Variants in ZNF362 observed in about 807,000 individuals in gnomAD.
ZNF362 encodes the protein rotund homolog.
In ZNF362, 11 loss-of-function variants were observed where a neutral mutation model predicts 42.9. The ratio of observed to expected loss-of-function variants is 0.26; its 90% CI spans 0.16 to 0.42. ZNF362 has a LOEUF of 0.42. ZNF362 is among the 20% of genes least tolerant of loss of function. The pLI is 1.00. For missense variants in ZNF362, 362 were observed against 576.2 expected (o/e 0.63, Z 3.81); for synonymous variants, 255 against 257.3 (o/e 0.99, Z 0.09).
chr1:33,233,905 C>G, the ZNF362 span, among the ~76,000 whole-genome samples: 24 of 152,258 alleles, frequency 1.6e-4, no homozygotes, highest in African/African-American at 5.5e-4. Flanking sequence ...CACTTTCACT[C>G]TTAAGATGGG....
the ZNF362 span, among the ~76,000 whole-genome samples, chr1:33,214,605 G>T: frequency 3.3e-5 from 5 of 152,128 alleles, no homozygotes; most frequent in African/African-American, 9.7e-5. Flanking sequence ...ATCTGAAAGG[G>T]ATTAACAACC....
At chr1:33,210,022 G>T in the ZNF362 span, among the ~76,000 whole-genome samples, 26 of 152,186 alleles carry the variant, frequency 1.7e-4, no homozygotes, top group Non-Finnish European at 3.1e-4. Flanking sequence ...TGATGTTAGG[G>T]TGTCAATTTT....
the ZNF362 span, among the ~76,000 whole-genome samples, chr1:33,250,855 A>AGAAG: frequency 1.8e-5 from 2 of 109,634 alleles, no homozygotes; most frequent in African/African-American, 6.8e-5. Flanking sequence ...GAAAGAAGGA[A>AGAAG]GAAGAAGAAG....
the ZNF362 span, among the ~76,000 whole-genome samples, chr1:33,134,265 G>C: frequency 6.6e-6 from 1 of 152,192 alleles, no homozygotes; most frequent in Non-Finnish European, 1.5e-5. Flanking sequence ...ACCCAGCAAG[G>C]GTAGGTATTT....
At chr1:33,222,701 G>C in the ZNF362 span, among the ~76,000 whole-genome samples, 6 of 152,264 alleles carry the variant, frequency 3.9e-5, no homozygotes, top group African/African-American at 1.4e-4. Context: ...TGCTTAATCT[G>C]TCTGGAAGAA....
chr1:33,225,495 G>C, the ZNF362 span, among the ~76,000 whole-genome samples: 1 of 152,050 alleles, frequency 6.6e-6, no homozygotes, highest in African/African-American at 2.4e-5. Context: ...CAGGGTATTT[G>C]GTATGCCATG....
chr1:33,268,017 G>A (rs1212190474), intron 1 of ZNF362, among the ~76,000 whole-genome samples: 1 of 152,168 alleles, frequency 6.6e-6, no homozygotes, highest in Admixed American at 6.5e-5. Flanking sequence ...CCAGTATTGG[G>A]TGTTAGCATT....
the ZNF362 span, among the ~76,000 whole-genome samples, chr1:33,189,672 T>TATAC: frequency 5.8e-4 from 6 of 10,406 alleles, no homozygotes; most frequent in African/African-American, 1.1e-3. Flanking sequence ...TATATATATA[T>TATAC]GTATATATAT....
chr1:33,246,034 G>C, the ZNF362 span, among the ~76,000 whole-genome samples: 1 of 152,180 alleles, frequency 6.6e-6, no homozygotes. Flanking sequence ...GAAGGGACAA[G>C]ACAGGATTAG....
chr1:33,276,577 C>A lies in ZNF362; in HGVS notation c.332C>A (p.Ala111Asp). 7.3e-7 allele frequency: 1 copy of A among 1,372,044 alleles called. No homozygotes were observed. Among genetic ancestry groups the A allele is most frequent in the Admixed American group, 3.7e-5 (1 of 26,696 alleles). 85.0% of individuals were successfully genotyped at this position (1,372,044 alleles called of 1,614,324 possible). A position where few individuals can be genotyped will look rare whatever the true frequency, so the allele number is the denominator to read the frequency against. Residue 111 changes from alanine (A) to aspartate (D), a missense_variant, in exon 4 of 9, where the codon GCC becomes GAC. Ala to Asp is a moderately radical substitution (Grantham distance 126). Around this residue, in one of 3 missense-constraint regions of ZNF362, gnomAD observed 266 missense variants for 365.4 expected, o/e 0.73. Coordinates refer to ENST00000539719, the MANE Select transcript of ZNF362 (RefSeq NM_152493.3). ...QPDVALHARP[A>D]TSTVTGLGLS... ...GACGTGGCGCTGCACGCACGGCCGG[C>A]CACCAGCACCGTCACAGGTAGGCCG...
the ZNF362 span, among the ~76,000 whole-genome samples, chr1:33,171,753 T>A: frequency 6.6e-6 from 1 of 152,120 alleles, no homozygotes; most frequent in South Asian, 2.1e-4. Context: ...TCCACCTTGG[T>A]TTCCAAATCT....
At chr1:33,259,851 A>G (rs951606236) in intron 1 of ZNF362, among the ~76,000 whole-genome samples, 3 of 152,254 alleles carry the variant, frequency 2.0e-5, no homozygotes, top group African/African-American at 7.2e-5. Flanking sequence ...AAACCATCAC[A>G]GTGGTAGACC....
At chr1:33,207,545 G>A in the ZNF362 span, among the ~76,000 whole-genome samples, 1 of 152,254 alleles carries the variant, frequency 6.6e-6, no homozygotes, top group Non-Finnish European at 1.5e-5. Flanking sequence ...CACAATGGTT[G>A]AACTAATTTA....
At chr1:33,159,036 G>T in the ZNF362 span, among the ~76,000 whole-genome samples, 42 of 151,818 alleles carry the variant, frequency 2.8e-4, no homozygotes, top group Non-Finnish European at 4.9e-4. The surrounding 1 kb of genome is among the most constrained non-coding windows in gnomAD (Gnocchi z 4.2). Context: ...GTAGAGACGG[G>T]GTTTCACCAT....
chr1:33,133,698 T>C, the ZNF362 span, among the ~76,000 whole-genome samples: 2 of 152,172 alleles, frequency 1.3e-5, no homozygotes, highest in African/African-American at 4.8e-5. Context: ...GGCAGTGGAC[T>C]GCTCCCCCAG....
chr1:33,192,979 C>CCACACACA, the ZNF362 span, among the ~76,000 whole-genome samples: 3 of 139,808 alleles, frequency 2.1e-5, no homozygotes, highest in South Asian at 2.5e-4. Context: ...GTCTCTCTCT[C>CCACACACA]CACACACACA....
intron 2 of ZNF362, chr1:33,274,809 TCTC>T (rs1168418500): frequency 8.2e-6 from 3 of 366,218 alleles, no homozygotes; most frequent in African/African-American, 2.2e-5. Context: ...CTTGGACAGG[TCTC>T]CTCCTTCCCC....
chr1:33,227,993 G>A, the ZNF362 span, among the ~76,000 whole-genome samples: 1 of 152,162 alleles, frequency 6.6e-6, no homozygotes, highest in Non-Finnish European at 1.5e-5. Context: ...TCGGAATTGT[G>A]AAAAGGGCTC....
the ZNF362 span, among the ~76,000 whole-genome samples, chr1:33,182,216 T>G: frequency 6.6e-6 from 1 of 152,100 alleles, no homozygotes; most frequent in Non-Finnish European, 1.5e-5. Flanking sequence ...GCCCAGCTGT[T>G]CCTTCGGGGT....
Sources: allele counts gnomAD v4.1 joint callset (sites outside exome capture counted in the v4.1 genomes callset), GRCh38; gene constraint gnomAD v4.1.1; regional missense constraint gnomAD v4.1.1; non-coding constraint Gnocchi (gnomAD v3.1); transcripts MANE v1.5; gene names NCBI Gene and HGNC (gene_info 2026-07-23, HGNC 2026-07-21).